ESR1: variants seen among roughly 807,000 people sequenced by gnomAD.
ESR1 encodes the protein estrogen receptor.
Under a neutral mutation model 52.7 loss-of-function variants are expected in ESR1, and 12 were observed. The observed-to-expected ratio is 0.23, with a 90% CI of 0.15 to 0.37. ESR1 has a LOEUF of 0.37. Ranked by LOEUF, ESR1 falls within the 10% of genes least tolerant of loss-of-function variation. The probability of loss-of-function intolerance (pLI) is 1.00; values close to 1 mark genes in which losing one functional copy is unlikely to be tolerated. For synonymous variants in ESR1, 305 were observed against 316.8 expected (o/e 0.96, Z 0.39); for missense variants, 584 against 779.7 (o/e 0.75, Z 2.99).
chr6:151,697,572 A>G (rs1347123355), intron 1 of ESR1, among the ~76,000 whole-genome samples: 1 of 152,260 alleles, frequency 6.6e-6, no homozygotes, highest in Non-Finnish European at 1.5e-5. Context: ...GACAAGATAT[A>G]GATGCAGAAG....
chr6:151,874,345 A>G (rs889446606), intron 2 of ESR1, among the ~76,000 whole-genome samples: 7 of 152,192 alleles, frequency 4.6e-5, no homozygotes, highest in Non-Finnish European at 7.4e-5. Flanking sequence ...TAGATGTGAT[A>G]TATTTTGAAG....
intron 3 of ESR1, among the ~76,000 whole-genome samples, chr6:151,939,894 T>G (rs1217759642): frequency 6.6e-6 from 1 of 152,174 alleles, no homozygotes; most frequent in East Asian, 1.9e-4. Flanking sequence ...CTCTGTTTTT[T>G]GTTTGTACAA....
In ESR1 at chr6:151,986,222, C is replaced by T. The variant is rs182775930; in HGVS notation, c.1097-25434C>T. Reference sequence around the variant, plus strand: ...GATGAATGAAGCACTGGTTTTGATACAAAATTTAAGAAAAATCAAATTCAA... The same window carrying T: ...GATGAATGAAGCACTGGTTTTGATATAAAATTTAAGAAAAATCAAATTCAA... On this transcript the variant is annotated intron_variant, in intron 4 of 7. Transcript: ENST00000206249. 2.2e-4 allele frequency among the ~76,000 whole-genome samples: 33 copies of T among 152,006 alleles called. No homozygotes were observed. The East Asian group carries it at 5.8e-3, about 27-fold the overall frequency.
chr6:152,028,430 C>T (rs950133117), intron 5 of ESR1, among the ~76,000 whole-genome samples: 4 of 152,160 alleles, frequency 2.6e-5, no homozygotes, highest in African/African-American at 4.8e-5. Context: ...CCTGGAAAAT[C>T]GGGTCACTCC....
At chr6:151,910,736 A>C (rs899054385) in intron 3 of ESR1, among the ~76,000 whole-genome samples, 1 of 152,246 alleles carries the variant, frequency 6.6e-6, no homozygotes, top group African/African-American at 2.4e-5. Context: ...TGCAGGAAGA[A>C]AGTAATAGAA....
At chr6:151,983,470 C>G (rs1260824508) in intron 4 of ESR1, 1 of 151,998 alleles carries the variant, frequency 6.6e-6, no homozygotes, top group Non-Finnish European at 1.5e-5. Context: ...TATGTGTGAT[C>G]CTGGGTGTGC....
intron 1 of ESR1, among the ~76,000 whole-genome samples, chr6:151,818,721 A>G (rs924011257): frequency 6.6e-6 from 1 of 152,012 alleles, no homozygotes; most frequent in African/African-American, 2.4e-5. Flanking sequence ...GGAGTTCCTC[A>G]TTGGTTTTTC....
intron 7 of ESR1, among the ~76,000 whole-genome samples, chr6:152,096,266 G>C (rs532853599): frequency 6.4e-4 from 98 of 152,286 alleles, no homozygotes; most frequent in Non-Finnish European, 1.1e-3. Context: ...AGGAATGAAA[G>C]AGATTCCTTC....
intron 1 of ESR1, among the ~76,000 whole-genome samples, chr6:151,822,259 C>T (rs893985028): frequency 6.6e-6 from 1 of 152,104 alleles, no homozygotes; most frequent in African/African-American, 2.4e-5. Flanking sequence ...AGAAGCAAAA[C>T]AATTTGAGGT....
chr6:151,872,192 A>T (rs1283132073), intron 2 of ESR1, among the ~76,000 whole-genome samples: 1 of 152,192 alleles, frequency 6.6e-6, no homozygotes, highest in Non-Finnish European at 1.5e-5. Flanking sequence ...AAGCTTCAGA[A>T]CTGTATTTAC....
At chr6:152,048,977 T>C (rs1458907744) in intron 5 of ESR1, among the ~76,000 whole-genome samples, 3 of 152,200 alleles carry the variant, frequency 2.0e-5, no homozygotes, top group Non-Finnish European at 4.4e-5. Context: ...AAACAAAAGG[T>C]GAATAACTGA....
At chr6:152,002,904 C>T (rs534962120) in intron 4 of ESR1, among the ~76,000 whole-genome samples, 58 of 152,048 alleles carry the variant, frequency 3.8e-4, no homozygotes, top group Non-Finnish European at 7.1e-4. Context: ...TACAAAATTT[C>T]ATAATATCTA....
chr6:151,793,170 C>CAA (rs374347435), intron 2 of ESR1, among the ~76,000 whole-genome samples: 37 of 109,344 alleles, frequency 3.4e-4, no homozygotes, highest in Non-Finnish European at 3.9e-4. Flanking sequence ...GACTCTATCT[C>CAA]AAAAAAAAAA....
intron 2 of ESR1, among the ~76,000 whole-genome samples, chr6:151,768,977 A>G (rs901198801): frequency 2.6e-5 from 4 of 152,218 alleles, no homozygotes; most frequent in Admixed American, 6.5e-5. Flanking sequence ...CTATGTAGAA[A>G]AATATAGCTC....
At chr6:152,047,122 C>A (rs1027404817) in intron 5 of ESR1, among the ~76,000 whole-genome samples, 1 of 152,020 alleles carries the variant, frequency 6.6e-6, no homozygotes, top group Non-Finnish European at 1.5e-5. Flanking sequence ...CTAAAATTGC[C>A]CCCTACTTGC....
intron 1 of ESR1, among the ~76,000 whole-genome samples, chr6:151,696,471 C>T (rs1465982308): frequency 1.5e-5 from 2 of 136,404 alleles, no homozygotes; most frequent in East Asian, 2.2e-4. Context: ...GACTCCATCT[C>T]AAATAAATAA....
At position 151,703,249 on chromosome 6, in the gene ESR1, T is replaced by G. The variant is rs184234878; in HGVS notation, c.-71+1244T>G. 2.0e-3 allele frequency among the ~76,000 whole-genome samples: 301 copies of G among 152,318 alleles called. 1 individual carries two copies. Among genetic ancestry groups the G allele is most frequent in the African/African-American group, 6.9e-3 (285 of 41,578 alleles). ...GTTTCTAGGCAAAGACTTTACTTAG[T>G]GACTAACCAAAAATGGTAAATAAAG... is the stretch of plus-strand genomic sequence containing the variant. On this transcript the variant is annotated intron_variant, in intron 2 of 2. Transcript: ENST00000404742.
chr6:152,117,031 A>G (rs1353042982), intron 6 of ESR1, among the ~76,000 whole-genome samples: 1 of 152,198 alleles, frequency 6.6e-6, no homozygotes, highest in Admixed American at 6.5e-5. Flanking sequence ...GGTAGCTTGG[A>G]AGCCCAGCCC....
At chr6:151,735,629 A>G (rs535229387) in intron 2 of ESR1, among the ~76,000 whole-genome samples, 2 of 152,010 alleles carry the variant, frequency 1.3e-5, no homozygotes, top group African/African-American at 4.8e-5. Context: ...CATGAATTGT[A>G]TAGTGCTGAA....
Sources: allele counts gnomAD v4.1 joint callset (sites outside exome capture counted in the v4.1 genomes callset), GRCh38; gene constraint gnomAD v4.1.1; transcripts MANE v1.5; gene names NCBI Gene and HGNC (gene_info 2026-07-23, HGNC 2026-07-21).